Variants in DLC1 observed in about 807,000 individuals in gnomAD.
The protein encoded by DLC1 is DLC1 Rho GTPase activating protein, also known as rho GTPase-activating protein 7.
Under a neutral mutation model 140.3 loss-of-function variants are expected in DLC1, and 54 were observed. The ratio of observed to expected loss-of-function variants is 0.38; its 90% CI spans 0.31 to 0.48. DLC1 has a LOEUF of 0.48. Among genes scored for constraint, DLC1 ranks in the 20% least tolerant of loss-of-function variants. The pLI, the probability that DLC1 is intolerant of heterozygous loss-of-function variation, is 0.96. For synonymous variants in DLC1, 986 were observed against 728.1 expected (o/e 1.35, Z -5.70); for missense variants, 2,536 against 1,907.0 (o/e 1.33, Z -6.14).
intron 1 of DLC1, chr8:13,536,139 C>T (rs150606332): frequency 3.9e-5 from 6 of 152,152 alleles, no homozygotes; most frequent in Middle Eastern, 3.2e-3. Flanking sequence ...GCAGCTCCCC[C>T]TTGTATACTG....
chr8:13,453,436 A>ATATG (rs1461156619), intron 2 of DLC1, among the ~76,000 whole-genome samples: 2 of 24,390 alleles, frequency 8.2e-5, no homozygotes, highest in Admixed American at 5.3e-4. Context: ...GTATATATAT[A>ATATG]TGTATATATA....
At chr8:13,263,594 A>G (rs188286300) in intron 5 of DLC1, among the ~76,000 whole-genome samples, 69 of 150,802 alleles carry the variant, frequency 4.6e-4, no homozygotes, top group Admixed American at 3.6e-3. Context: ...ATATCTGTAC[A>G]TATGTGTTTA....
chr8:13,233,641 A>G (rs192809673), intron 5 of DLC1, among the ~76,000 whole-genome samples: 2 of 152,352 alleles, frequency 1.3e-5, no homozygotes, highest in Non-Finnish European at 1.5e-5. Flanking sequence ...ATCATAGTCA[A>G]TATGTACCAC....
chr8:13,275,086 A>G (rs1257348023), intron 5 of DLC1, among the ~76,000 whole-genome samples: 2 of 152,162 alleles, frequency 1.3e-5, no homozygotes, highest in African/African-American at 4.8e-5. Context: ...TCCCTTCCCT[A>G]CCTAATGGTT....
In DLC1 at chr8:13,188,080, ATTTT is replaced by A. The variant is rs34182663; in HGVS notation, c.1349-72427_1349-72424del. ...TAAGCAGGTCCATACAACAGTGGCAATTTTTTTTTTTTTTTTTTTTGAGACAGAG... is the reference window on the plus strand; with the variant it reads ...TAAGCAGGTCCATACAACAGTGGCAATTTTTTTTTTTTTTTTGAGACAGAG... On this transcript the variant is annotated intron_variant, in intron 5 of 17. Transcript: ENST00000276297. Among the ~76,000 whole-genome samples, 59 of 119,126 alleles carry A rather than the reference ATTTT, an allele frequency of 5.0e-4. No homozygotes were observed. The South Asian group carries it at 5.9e-3, about 12-fold the overall frequency. 78.2% of individuals were successfully genotyped at this position (119,126 alleles called of 152,430 possible). A position where few individuals can be genotyped will look rare whatever the true frequency, so the allele number is the denominator to read the frequency against.
intron 1 of DLC1, among the ~76,000 whole-genome samples, chr8:13,597,900 A>G (rs1805735672): frequency 6.6e-6 from 1 of 152,202 alleles, no homozygotes; most frequent in Non-Finnish European, 1.5e-5. Context: ...ACAATAAGGG[A>G]TCTATGCAAC....
At chr8:13,181,706 T>A (rs1406987159) in intron 5 of DLC1, among the ~76,000 whole-genome samples, 1 of 151,986 alleles carries the variant, frequency 6.6e-6, no homozygotes, top group Non-Finnish European at 1.5e-5. Context: ...ATGGTATATA[T>A]GTGCCACATT....
At chr8:13,237,627 C>T (rs1412936080) in intron 5 of DLC1, among the ~76,000 whole-genome samples, 1 of 152,054 alleles carries the variant, frequency 6.6e-6, no homozygotes, top group Non-Finnish European at 1.5e-5. Flanking sequence ...ACCTCCCCAC[C>T]TGAGTCCCCA....
At chr8:13,474,122 T>C (rs1800333853) in intron 2 of DLC1, among the ~76,000 whole-genome samples, 1 of 151,778 alleles carries the variant, frequency 6.6e-6, no homozygotes, top group Non-Finnish European at 1.5e-5. Context: ...GAGGAAGAAA[T>C]GGTTTTGTGG....
intron 5 of DLC1, among the ~76,000 whole-genome samples, chr8:13,146,389 G>A (rs763124428): frequency 3.7e-4 from 56 of 151,302 alleles, no homozygotes; most frequent in Admixed American, 7.2e-4. Context: ...ACCCTCTATT[G>A]TAGTGTTATT....
At chr8:13,175,773 G>GTA (rs902479161) in intron 5 of DLC1, among the ~76,000 whole-genome samples, 4 of 151,880 alleles carry the variant, frequency 2.6e-5, no homozygotes, top group African/African-American at 7.3e-5. Flanking sequence ...CTTAATACAT[G>GTA]TATATATATA....
intron 4 of DLC1, among the ~76,000 whole-genome samples, chr8:13,366,371 A>C (rs1330135868): frequency 6.6e-6 from 1 of 152,146 alleles, no homozygotes; most frequent in Non-Finnish European, 1.5e-5. Context: ...ATTAAGATGG[A>C]CACTGTCCAT....
At chr8:13,538,766 A>T (rs1803385426) in intron 1 of DLC1, among the ~76,000 whole-genome samples, 1 of 152,212 alleles carries the variant, frequency 6.6e-6, no homozygotes, top group South Asian at 2.1e-4. Context: ...AGCAGATTTC[A>T]AGCTCAGACT....
intron 2 of DLC1, among the ~76,000 whole-genome samples, chr8:13,415,164 T>TTGA (rs923445903): frequency 1.3e-5 from 2 of 152,106 alleles, no homozygotes; most frequent in African/African-American, 4.8e-5. Context: ...ACAATGTGAT[T>TTGA]TGATGTAATT....
chr8:13,466,948 C>CA (rs57006330), intron 2 of DLC1, among the ~76,000 whole-genome samples: 2 of 57,238 alleles, frequency 3.5e-5, no homozygotes, highest in Admixed American at 1.8e-4. Context: ...TACTATTTCA[C>CA]AAAAAAAAAA....
At chr8:13,272,985 C>T (rs180761654) in intron 5 of DLC1, among the ~76,000 whole-genome samples, 2 of 152,316 alleles carry the variant, frequency 1.3e-5, no homozygotes, top group East Asian at 3.9e-4. Flanking sequence ...ACTAGTACAT[C>T]ATAATTTTAT....
intron 17 of DLC1, 124 bp downstream of exon 17, chr8:13,086,166 C>A: frequency 2.2e-6 from 3 of 1,386,670 alleles, no homozygotes; most frequent in South Asian, 2.9e-5. Context: ...TTTCTAAACA[C>A]CATTCTTCAT....
intron 2 of DLC1, among the ~76,000 whole-genome samples, chr8:13,455,259 T>C (rs1799330270): frequency 6.6e-6 from 1 of 152,184 alleles, no homozygotes; most frequent in African/African-American, 2.4e-5. Flanking sequence ...ATGCACACAA[T>C]TGTATATCCA....
intron 1 of DLC1, among the ~76,000 whole-genome samples, chr8:13,586,411 C>T (rs1805312618): frequency 6.6e-6 from 1 of 152,028 alleles, no homozygotes; most frequent in South Asian, 2.1e-4. Flanking sequence ...TCAAAGATGG[C>T]TCATACGTTC....
Sources: gnomAD v4.1 joint callset for allele counts (sites outside exome capture counted in the v4.1 genomes callset) on GRCh38, gnomAD v4.1.1 for gene constraint, MANE v1.5 for transcripts, NCBI Gene and HGNC (gene_info 2026-07-23, HGNC 2026-07-21) for gene names.